The following NOP2 variants were observed in gnomAD, a reference collection of about 807,000 sequenced individuals.
The protein encoded by NOP2 is 28S rRNA (cytosine(4447)-C(5))-methyltransferase.
A neutral mutation model predicts 72.7 loss-of-function variants in NOP2; 7 were observed. The ratio of observed to expected loss-of-function variants is 0.10; its 90% CI spans 0.05 to 0.18. The LOEUF (loss-of-function observed/expected upper bound fraction) is 0.18. Among genes scored for constraint, NOP2 ranks in the 10% least tolerant of loss-of-function variants. The probability of loss-of-function intolerance (pLI) is 1.00; values close to 1 mark genes in which losing one functional copy is unlikely to be tolerated. For missense variants in NOP2, 954 were observed against 1,014.7 expected (o/e 0.94, Z 0.81); for synonymous variants, 387 against 388.0 (o/e 1.00, Z 0.03).
chr12:6,562,204 G>C (rs2136172540), intron 9 of NOP2, among the ~76,000 whole-genome samples: 1 of 152,192 alleles, frequency 6.6e-6, no homozygotes, highest in Non-Finnish European at 1.5e-5. Flanking sequence ...TGGCCAGGCT[G>C]GTCTCTAACT....
Position 6,560,193 on chromosome 12 carries a change from G to A in NOP2, c.1694C>T (p.Ser565Phe). The A allele has an allele frequency of 3.7e-6, 6 of 1,614,050 alleles. No individual in the cohort carries two copies. The highest frequency in any genetic ancestry group is 5.1e-6 in the Non-Finnish European group (6 of 1,179,900). The change falls in exon 15 of 16, where the codon TCT becomes TTT. Residue 565 changes from serine to phenylalanine, a missense_variant. Transcript: ENST00000322166. The surrounding 1 kb of genome is among the most constrained non-coding windows in gnomAD (Gnocchi z 5.0). ...RERRFHPSLR[S>F]TRRFYPHTHN... ...GGTATGAGGGTAGAAGCGTCGGGTA[G>A]AACGCAGACTGGGGTGGAAGCGCCT...
chr12:6,566,499 A>G (rs764816073), intron 4 of NOP2, 30 bp downstream of exon 4: 4 of 1,603,254 alleles, frequency 2.5e-6, no homozygotes, highest in Non-Finnish European at 3.4e-6. Flanking sequence ...GGGACTCCTC[A>G]TGTAGCATCC....
At position 6,566,563 on chromosome 12, in the gene NOP2, A is replaced by C; in HGVS notation, c.204T>G (p.Pro68=). Residue 68 remains proline, a synonymous_variant, in exon 4 of 16, where the codon CCT becomes CCG. Transcript: ENST00000322166. The part of the protein sequence containing the change: ...SVEAPKTNKS[P]EAKPLPGKLP... ...GCTTTCCAGGCAATGGTTTGGCCTCAGGAGACTTATTTGTCTTAGGGGCTT... is the reference window on the plus strand; with the variant it reads ...GCTTTCCAGGCAATGGTTTGGCCTCCGGAGACTTATTTGTCTTAGGGGCTT... The C allele has an allele frequency of 6.2e-7, 1 of 1,614,004 alleles. No individual in the cohort carries two copies. The highest frequency in any genetic ancestry group is 8.5e-7 in the Non-Finnish European group (1 of 1,179,886).
chr12:6,564,398 AAAG>A (rs1947727753), intron 5 of NOP2: 3 of 184,514 alleles, frequency 1.6e-5, no homozygotes, highest in East Asian at 1.7e-4. Flanking sequence ...CTGGATGTAT[AAAG>A]AAGGACAAAA....
At chr12:6,565,044 C>T (rs1947743379) in intron 5 of NOP2, among the ~76,000 whole-genome samples, 1 of 152,106 alleles carries the variant, frequency 6.6e-6, no homozygotes, top group Non-Finnish European at 1.5e-5. Context: ...TCTAATAATA[C>T]ATCCACACAC....
intron 9 of NOP2, among the ~76,000 whole-genome samples, chr12:6,562,558 G>A (rs1372275065): frequency 6.6e-6 from 1 of 152,122 alleles, no homozygotes; most frequent in Non-Finnish European, 1.5e-5. Context: ...TTTCCTAGAA[G>A]TGGCATCTGA....
intron 2 of NOP2, 93 bp from the exon 3 acceptor site, chr12:6,566,915 C>G: frequency 9.9e-7 from 1 of 1,006,720 alleles, no homozygotes. Context: ...AATTAGTACA[C>G]TAATTAAAAG....
chr12:6,560,243 C>G lies in NOP2; in HGVS notation c.1644G>C (p.Gln548His), dbSNP rs1410439019. The G allele has an allele frequency of 1.2e-6, 2 of 1,613,840 alleles. No individual in the cohort carries two copies. Among genetic ancestry groups the G allele is most frequent in the Non-Finnish European group, 1.7e-6 (2 of 1,179,898 alleles). The change falls in exon 15 of 16, where the codon CAG becomes CAC. Residue 548 changes from glutamine to histidine, a missense_variant. Transcript: ENST00000322166. The surrounding 1 kb of genome is among the most constrained non-coding windows in gnomAD (Gnocchi z 5.0). ...RLVPTGLDFG[Q>H]EGFTRFRERR... ...TTTCTCGAAAGCGGGTAAAACCTTC[C>G]TGGCCAAAGTCTAGGCCCGTGGGCA... is the stretch of plus-strand genomic sequence containing the variant.
chr12:6,566,191 G>A lies in NOP2; in HGVS notation c.384C>T (p.His128=), dbSNP rs766330863. 28 of 1,613,838 alleles carry A rather than the reference G, an allele frequency of 1.7e-5. No homozygotes were observed. The South Asian group carries it at 2.2e-4, about 13-fold the overall frequency. Residue 128 remains histidine (H), a synonymous_variant, in exon 5 of 16, where the codon CAC becomes CAT. Coordinates refer to ENST00000322166, the MANE Select transcript of NOP2 (RefSeq NM_001258308.2). ...CGTCCTCGGAGCCCCAGAGGTCCCC[G>A]TGGTTCACCATACCATCTTCTTCAG... is the stretch of plus-strand genomic sequence containing the variant. ...EDSEEDGMVN[H]GDLWGSEDDA... is the part of the protein sequence containing the mutation.
intron 15 of NOP2, among the ~76,000 whole-genome samples, chr12:6,558,932 T>C (rs1432594795): frequency 6.6e-6 from 1 of 152,168 alleles, no homozygotes; most frequent in Non-Finnish European, 1.5e-5. Flanking sequence ...ATAATTAAAA[T>C]ATGTACTTTT....
chr12:6,558,769 C>T (rs1002878363), intron 15 of NOP2, among the ~76,000 whole-genome samples: 4 of 151,948 alleles, frequency 2.6e-5, no homozygotes, highest in Non-Finnish European at 4.4e-5. Flanking sequence ...CTTTGTTGCC[C>T]AGACAGGTCT....
chr12:6,557,643 C>T lies in NOP2; in HGVS notation c.1790-1G>A. On this transcript the variant is annotated splice_acceptor_variant, in intron 15 of 15. Transcript: ENST00000322166. LOFTEE classifies it high-confidence loss of function. ...GTAGGTGTGGCTGTTTCAGAATTTC[C>T]TGGGGTTAAAATTAAACAGATGGTG... 1 of 1,605,792 alleles carries T rather than the reference C, an allele frequency of 6.2e-7. No individual in the cohort carries two copies. Among genetic ancestry groups the T allele is most frequent in the Non-Finnish European group, 8.5e-7 (1 of 1,176,306 alleles).
Position 6,563,387 on chromosome 12 carries a change from C to A in NOP2, c.816G>T (p.Lys272Asn). 6.2e-7 allele frequency: 1 copy of A among 1,605,516 alleles called. No homozygotes were observed. ...CATAGGAGTAGTAAATGGCCAGATCCTTCTTGAGCCGGTTCAGGTATTCAG... is the reference window on the plus strand; with the variant it reads ...CATAGGAGTAGTAAATGGCCAGATCATTCTTGAGCCGGTTCAGGTATTCAG... ...SRSEYLNRLK[K>N]DLAIYYSYGD... The change falls in exon 8 of 16, where the codon AAG becomes AAT. Residue 272 changes from lysine (K) to asparagine (N), a missense_variant. Around this residue, in one of 3 missense-constraint regions of NOP2, gnomAD observed 498 missense variants for 478.3 expected, o/e 1.04. Coordinates refer to ENST00000322166, the MANE Select transcript of NOP2 (RefSeq NM_001258308.2).
chr12:6,558,025 T>C (rs1401751681), intron 15 of NOP2: 5 of 342,006 alleles, frequency 1.5e-5, no homozygotes, highest in Non-Finnish European at 2.8e-5. Flanking sequence ...CCTGTAATCC[T>C]AGCTACTTGG....
In NOP2 at chr12:6,556,955, G is replaced by C. The variant is rs1037095432; in HGVS notation, c.*38C>G. The C allele has an allele frequency of 1.9e-6, 3 of 1,610,202 alleles. No homozygotes were observed. The highest frequency in any genetic ancestry group is 3.4e-5 in the Admixed American group (2 of 58,814). On this transcript the variant is annotated 3_prime_UTR_variant, in exon 16 of 16. Transcript: ENST00000322166. ...ACAGAGGCAAGAGTTCCAACCTGGT[G>C]ACAATGGCAGTGAGCCACCCGTCTA...
At chr12:6,562,993 C>A in intron 9 of NOP2, 88 bp downstream of exon 9, 1 of 1,320,992 alleles carries the variant, frequency 7.6e-7, no homozygotes, top group Non-Finnish European at 1.1e-6. Flanking sequence ...TAAGGCCCCA[C>A]CCAGTCAGGG....
chr12:6,561,469 A>T (rs547849365), intron 11 of NOP2, among the ~76,000 whole-genome samples, 195 bp downstream of exon 11: 73 of 152,326 alleles, frequency 4.8e-4, no homozygotes, highest in African/African-American at 1.7e-3. Context: ...GGATGACAAA[A>T]GAGAATCCAT....
Position 6,564,200 on chromosome 12 carries a change from C to T in NOP2, c.475-254G>A, listed in dbSNP as rs918539718. The T allele has an allele frequency of 1.8e-5, 19 of 1,042,828 alleles. No individual in the cohort carries two copies. The Middle Eastern group carries it at 1.1e-3, about 59-fold the overall frequency. 64.6% of individuals were successfully genotyped at this position (1,042,828 alleles called of 1,614,324 possible). On this transcript the variant is annotated intron_variant, in intron 5 of 15. Transcript: ENST00000322166. ...CTGAGGCAGGAGAATTGCTTGAACCCGGGAGGTGGAGGTTGCAGTGAGCCA... is the reference window on the plus strand; with the variant it reads ...CTGAGGCAGGAGAATTGCTTGAACCTGGGAGGTGGAGGTTGCAGTGAGCCA...
chr12:6,560,522 G>C lies in NOP2; in HGVS notation c.1485C>G (p.Leu495=), dbSNP rs542592432. 3.7e-6 allele frequency: 6 copies of C among 1,604,838 alleles called. No homozygotes were observed. Among genetic ancestry groups the C allele is most frequent in the Non-Finnish European group, 5.1e-6 (6 of 1,174,630 alleles). ...CATTGACAGAGTCAATAGCACTCAGGAGCAACTCCTTCTGGAGGTGAGCAC... is the reference window on the plus strand; with the variant it reads ...CATTGACAGAGTCAATAGCACTCAGCAGCAACTCCTTCTGGAGGTGAGCAC... ...LRCAHLQKEL[L]LSAIDSVNAT... is the part of the protein sequence containing the mutation. The change falls in exon 14 of 16, where the codon CTC becomes CTG. Residue 495 remains leucine (L), a synonymous_variant. Coordinates refer to ENST00000322166, the MANE Select transcript of NOP2 (RefSeq NM_001258308.2). The surrounding 1 kb of genome is among the most constrained non-coding windows in gnomAD (Gnocchi z 5.0).
Sources: gnomAD v4.1 joint callset for allele counts (sites outside exome capture counted in the v4.1 genomes callset) on GRCh38, gnomAD v4.1.1 for gene constraint, gnomAD v4.1.1 regional missense constraint, Gnocchi (gnomAD v3.1) non-coding constraint, MANE v1.5 for transcripts, NCBI Gene and HGNC (gene_info 2026-07-23, HGNC 2026-07-21) for gene names.